The following CNTNAP3B variants were observed in gnomAD, a reference collection of about 807,000 sequenced individuals.
CNTNAP3B encodes contactin-associated protein-like 3B.
Under a neutral mutation model 108.9 loss-of-function variants are expected in CNTNAP3B, and 25 were observed. That is an observed-to-expected ratio of 0.23 (90% CI 0.17 to 0.32). The LOEUF is 0.32. CNTNAP3B is among the 10% of genes least tolerant of loss of function. The pLI, the probability that CNTNAP3B is intolerant of heterozygous loss-of-function variation, is 1.00. For synonymous variants in CNTNAP3B, 103 were observed against 473.4 expected (o/e 0.22, Z 10.16); for missense variants, 252 against 1,210.4 (o/e 0.21, Z 11.75).
rs1488910431 is a variant in CNTNAP3B at position 41,983,880 on chromosome 9, C to A, written c.1477+2288G>T. 3 of 93,462 alleles carry A rather than the reference C, an allele frequency of 3.2e-5. 1 individual carries two copies. Among genetic ancestry groups the A allele is most frequent in the Admixed American group, 2.2e-4 (2 of 9,032 alleles). The allele number at this position is 93,462 out of a possible 1,614,324, so 5.8% of individuals were successfully genotyped here. On this transcript the variant is annotated intron_variant, in intron 9 of 23. Coordinates refer to ENST00000377561, the MANE Select transcript of CNTNAP3B (RefSeq NM_001201380.3). The stretch of plus-strand genomic sequence containing the variant: ...CTGGCTAACATGGTGAAAACCCCGT[C>A]TCTACCAAAAATACAAAAAATTAGC...
In CNTNAP3B at chr9:42,053,484, T is replaced by C. The variant is rs975866418; in HGVS notation, c.390+23385A>G. The stretch of plus-strand genomic sequence containing the variant: ...CAGGCAAAGAGTAGACAAGCCATTG[T>C]ATCTCATGGTAATTCAGAAAGGCAT... On this transcript the variant is annotated intron_variant, in intron 3 of 23. Coordinates refer to ENST00000377561, the MANE Select transcript of CNTNAP3B (RefSeq NM_001201380.3). Among the ~76,000 whole-genome samples the C allele has an allele frequency of 1.0e-4, 14 of 133,958 alleles. 3 individuals are homozygous for C. Among genetic ancestry groups the C allele is most frequent in the African/African-American group, 4.2e-4 (14 of 33,312 alleles). The allele number at this position is 133,958 out of a possible 152,430, so 87.9% of individuals were successfully genotyped here. A position where few individuals can be genotyped will look rare whatever the true frequency, so the allele number is the denominator to read the frequency against.
At chr9:42,070,172 C>T (rs1827341596) in intron 3 of CNTNAP3B, among the ~76,000 whole-genome samples, 2 of 149,754 alleles carry the variant, frequency 1.3e-5, no homozygotes, top group South Asian at 2.1e-4. Flanking sequence ...AGCCCTTTTG[C>T]TTCAAGCGAC....
intron 1 of CNTNAP3B, among the ~76,000 whole-genome samples, chr9:42,109,435 T>A (rs1257434713): frequency 3.6e-5 from 5 of 137,646 alleles, no homozygotes; most frequent in South Asian, 2.2e-4. Context: ...GATCTGATAA[T>A]AAGAATGAAA....
chr9:41,950,905 G>A (rs558531813), intron 13 of CNTNAP3B, among the ~76,000 whole-genome samples: 69 of 149,878 alleles, frequency 4.6e-4, no homozygotes, highest in African/African-American at 1.6e-3. Flanking sequence ...ACAGGCACCC[G>A]CCACCACACC....
At chr9:41,943,536 T>C (rs1193768114) in intron 13 of CNTNAP3B, among the ~76,000 whole-genome samples, 13,477 of 138,694 alleles carry the variant, frequency 0.097, 65 homozygotes, top group South Asian at 0.16. Context: ...GTATTTTTAG[T>C]AGAGACGTGG....
At chr9:42,091,851 T>C (rs1218997914) in intron 2 of CNTNAP3B, among the ~76,000 whole-genome samples, 1 of 92,266 alleles carries the variant, frequency 1.1e-5, no homozygotes, top group Non-Finnish European at 2.3e-5. Flanking sequence ...ACTTAGCAAC[T>C]TTGAGCATCA....
rs1340209993 is a variant in CNTNAP3B, at chr9:42,124,074, T to G, written c.85+4936A>C. On this transcript the variant is annotated intron_variant, in intron 1 of 23. Transcript: ENST00000377561. Reference sequence around the variant, plus strand: ...CCACGTCTTCTTGGTAATTTAATTCTTAGCAATAATTTTAATTGCTGCCTA... The same window carrying G: ...CCACGTCTTCTTGGTAATTTAATTCGTAGCAATAATTTTAATTGCTGCCTA... Among the ~76,000 whole-genome samples the G allele has an allele frequency of 1.4e-5, 2 of 137,990 alleles. 1 individual carries two copies. The highest frequency in any genetic ancestry group is 3.1e-5 in the Non-Finnish European group (2 of 64,712). 90.5% of individuals were successfully genotyped at this position (137,990 alleles called of 152,430 possible). A position where few individuals can be genotyped will look rare whatever the true frequency, so the allele number is the denominator to read the frequency against.
chr9:41,932,980 T>C (rs1188792957), intron 14 of CNTNAP3B, among the ~76,000 whole-genome samples: 1 of 152,310 alleles, frequency 6.6e-6, no homozygotes, highest in African/African-American at 2.4e-5. Flanking sequence ...ACAGTATGTC[T>C]TGACAGCTAA....
At chr9:42,114,908 G>A (rs1443788797) in intron 1 of CNTNAP3B, among the ~76,000 whole-genome samples, 1 of 134,968 alleles carries the variant, frequency 7.4e-6, no homozygotes, top group African/African-American at 3.0e-5. Flanking sequence ...ACAAAAATTA[G>A]CTGGGCATGG....
intron 13 of CNTNAP3B, among the ~76,000 whole-genome samples, chr9:41,942,516 C>T (rs1388677475): frequency 2.6e-5 from 4 of 151,420 alleles, no homozygotes; most frequent in East Asian, 1.9e-4. Context: ...GAGGCTGAGG[C>T]GGGAGAATGG....
At chr9:42,035,942 T>A (rs1826616984) in intron 3 of CNTNAP3B, among the ~76,000 whole-genome samples, 1 of 140,930 alleles carries the variant, frequency 7.1e-6, no homozygotes. Flanking sequence ...ACCACATCTC[T>A]ACTAAAAATA....
At chr9:41,926,329 A>G (rs1406811962) in intron 15 of CNTNAP3B, among the ~76,000 whole-genome samples, 2 of 152,288 alleles carry the variant, frequency 1.3e-5, no homozygotes, top group African/African-American at 2.4e-5. Flanking sequence ...CCCCAAAAGA[A>G]GGGAAAAGAA....
rs1827524180 is a variant in CNTNAP3B, at chr9:42,077,797, TGAA to T, written c.197-738_197-736del. On this transcript the variant is annotated intron_variant, in intron 2 of 23. Transcript: ENST00000377561. Reference sequence around the variant, plus strand: ...CAAGGAAAAGGAGACTGTTGGGTATTGAAGAAGATGCATGCAGAGCAGAAAATT... The same window carrying T: ...CAAGGAAAAGGAGACTGTTGGGTATTGAAGATGCATGCAGAGCAGAAAATT... Among the ~76,000 whole-genome samples, 2 of 86,632 alleles carry T rather than the reference TGAA, an allele frequency of 2.3e-5. 1 individual carries two copies. 56.8% of individuals were successfully genotyped at this position (86,632 alleles called of 152,430 possible). A position where few individuals can be genotyped will look rare whatever the true frequency, so the allele number is the denominator to read the frequency against.
chr9:41,953,070 G>T (rs1403627200), intron 13 of CNTNAP3B, 113 bp downstream of exon 13: 9 of 1,246,850 alleles, frequency 7.2e-6, no homozygotes, highest in Non-Finnish European at 9.5e-6. Flanking sequence ...TCAGGGCTTT[G>T]AACTAAGAGC....
intron 3 of CNTNAP3B, among the ~76,000 whole-genome samples, chr9:42,019,911 G>GA (rs1244228551): frequency 7.6e-6 from 1 of 131,208 alleles, no homozygotes; most frequent in Non-Finnish European, 1.6e-5. Context: ...GTACCTTATT[G>GA]AAAAAAATGT....
intron 14 of CNTNAP3B, among the ~76,000 whole-genome samples, chr9:41,934,257 CGCCCAGGCTGG>C (rs1824084305): frequency 6.8e-6 from 1 of 147,304 alleles, no homozygotes. Context: ...CTTGGTCTGT[CGCCCAGGCTGG>C]AGTGCAGTGG....
chr9:42,125,298 C>G (rs1290011902), intron 1 of CNTNAP3B, among the ~76,000 whole-genome samples: 1 of 139,322 alleles, frequency 7.2e-6, no homozygotes, highest in Non-Finnish European at 1.5e-5. Flanking sequence ...TTCCTCACTC[C>G]ACTCAACCTC....
At chr9:41,955,431 T>C (rs1456755589) in intron 12 of CNTNAP3B, among the ~76,000 whole-genome samples, 3 of 152,292 alleles carry the variant, frequency 2.0e-5, no homozygotes, top group East Asian at 1.9e-4. Flanking sequence ...ACACAGACCA[T>C]TGTGGTTTCC....
intron 1 of CNTNAP3B, among the ~76,000 whole-genome samples, chr9:42,116,438 A>G (rs1828318755): frequency 7.7e-6 from 1 of 130,246 alleles, no homozygotes; most frequent in Non-Finnish European, 1.6e-5. Flanking sequence ...TCATAACTGA[A>G]GGAGAAATAA....
Sources: gnomAD v4.1 joint callset for allele counts (sites outside exome capture counted in the v4.1 genomes callset) on GRCh38, gnomAD v4.1.1 for gene constraint, MANE v1.5 for transcripts, NCBI Gene and HGNC (gene_info 2026-07-23, HGNC 2026-07-21) for gene names.